WWP1: variants seen among roughly 807,000 people sequenced by gnomAD.
WWP1 encodes the protein WW domain containing E3 ubiquitin protein ligase 1, also known as NEDD4-like E3 ubiquitin-protein ligase WWP1.
A neutral mutation model predicts 130.6 loss-of-function variants in WWP1; 49 were observed. That is an observed-to-expected ratio of 0.38 (90% CI 0.30 to 0.48). WWP1 has a LOEUF of 0.48. WWP1 is among the 20% of genes least tolerant of loss of function. The pLI, the probability that WWP1 is intolerant of heterozygous loss-of-function variation, is 0.99. For synonymous variants in WWP1, 332 were observed against 367.8 expected, an observed-to-expected ratio of 0.90 and a Z score of 1.11; for missense variants, 809 against 1,100.6, an observed-to-expected ratio of 0.74 and a Z score of 3.75.
intron 1 of WWP1, among the ~76,000 whole-genome samples, chr8:86,354,946 TAAAA>T (rs1554552267): frequency 6.6e-6 from 1 of 152,046 alleles, no homozygotes; most frequent in Non-Finnish European, 1.5e-5. Flanking sequence ...CACCTTTTTT[TAAAA>T]AAACCCTCAC....
Position 86,380,717 on chromosome 8 carries a change from G to A in WWP1, c.71-9G>A. ...ACACATACTCACTAGTGAATTATTT[G>A]TCTGTTAGTTTCTAGTGCCAAACTT... On this transcript the variant is annotated splice_polypyrimidine_tract_variant and intron_variant, in intron 3 of 24. Coordinates refer to ENST00000517970, the MANE Select transcript of WWP1 (RefSeq NM_007013.4). The A allele has an allele frequency of 6.2e-7, 1 of 1,604,424 alleles. No individual in the cohort carries two copies. The highest frequency in any genetic ancestry group is 8.5e-7 in the Non-Finnish European group (1 of 1,176,586).
At chr8:86,430,780 G>A in intron 12 of WWP1, 29 bp downstream of exon 12, 1 of 1,332,660 alleles carries the variant, frequency 7.5e-7, no homozygotes. Flanking sequence ...TGATCTATAA[G>A]GGAGATATAT....
intron 9 of WWP1, among the ~76,000 whole-genome samples, chr8:86,424,846 AGGGGAG>A (rs1423800326): frequency 5.5e-4 from 1 of 1,826 alleles, no homozygotes; most frequent in Non-Finnish European, 1.0e-3. Flanking sequence ...GGGGGAGGGG[AGGGGAG>A]GGGGAGGGGG....
chr8:86,345,117 G>A (rs1822496074), intron 1 of WWP1, among the ~76,000 whole-genome samples: 1 of 152,144 alleles, frequency 6.6e-6, no homozygotes, highest in South Asian at 2.1e-4. Context: ...GAATGGAAAG[G>A]AAGAAAGGAA....
intron 1 of WWP1, among the ~76,000 whole-genome samples, chr8:86,352,038 C>CTT (rs1822963487): frequency 2.0e-5 from 2 of 98,592 alleles, no homozygotes; most frequent in Admixed American, 9.7e-5. Context: ...CTAAAATATT[C>CTT]CTTTTTTTTT....
In WWP1 at chr8:86,457,921, G is replaced by T; in HGVS notation, c.2395G>T (p.Val799Phe). ...GCCTGATTCTGTGCTCATTTCCCAG[G>T]TTATGTTGTGTGGCATGCAGGAGGT... is the stretch of plus-strand genomic sequence containing the variant. ...LQYFDEKELE[V>F]MLCGMQEVDL... Residue 799 changes from valine (V) to phenylalanine (F), a missense_variant and splice_region_variant, in exon 22 of 25, where the codon GTT becomes TTT. Val to Phe is a conservative substitution (Grantham distance 50, BLOSUM62 -1). Around this residue, in one of 3 missense-constraint regions of WWP1, gnomAD observed 450 missense variants for 674.2 expected, o/e 0.67. Coordinates refer to ENST00000517970, the MANE Select transcript of WWP1 (RefSeq NM_007013.4). The T allele has an allele frequency of 1.9e-6, 3 of 1,612,606 alleles. No homozygotes were observed. Among genetic ancestry groups the T allele is most frequent in the Non-Finnish European group, 2.5e-6 (3 of 1,178,946 alleles).
chr8:86,376,060 A>G (rs1362517433), intron 3 of WWP1, among the ~76,000 whole-genome samples: 1 of 152,242 alleles, frequency 6.6e-6, no homozygotes, highest in Non-Finnish European at 1.5e-5. Context: ...AATAATGGGC[A>G]TCTATTTTTG....
intron 21 of WWP1, among the ~76,000 whole-genome samples, chr8:86,454,778 G>A (rs547340879): frequency 6.6e-6 from 1 of 152,122 alleles, no homozygotes; most frequent in South Asian, 2.1e-4. Context: ...GGTTTATAAT[G>A]TTCTCACATA....
chr8:86,438,525 T>C (rs1170236907), intron 16 of WWP1, 60 bp from the exon 17 acceptor site: 2 of 1,279,042 alleles, frequency 1.6e-6, no homozygotes, highest in East Asian at 2.4e-5. Flanking sequence ...TTTAAATTGT[T>C]TTGAAAGGAA....
At chr8:86,442,858 A>G (rs981498231) in intron 18 of WWP1, 80 bp downstream of exon 18, 7 of 1,397,796 alleles carry the variant, frequency 5.0e-6, no homozygotes, top group Non-Finnish European at 5.7e-6. Flanking sequence ...AAAAAAAAGG[A>G]TAAGCATTAT....
chr8:86,416,980 C>T (rs575735641), intron 9 of WWP1, among the ~76,000 whole-genome samples: 2 of 152,250 alleles, frequency 1.3e-5, no homozygotes, highest in African/African-American at 4.8e-5. Context: ...CCACCACATT[C>T]TGGGGACTCA....
intron 5 of WWP1, among the ~76,000 whole-genome samples, chr8:86,397,952 A>G (rs1807770463): frequency 6.6e-6 from 1 of 152,196 alleles, no homozygotes; most frequent in African/African-American, 2.4e-5. Context: ...TGTTTGAATA[A>G]GTTACTCAAT....
chr8:86,392,482 C>T (rs979567435), intron 5 of WWP1, among the ~76,000 whole-genome samples: 5 of 151,934 alleles, frequency 3.3e-5, no homozygotes, highest in Non-Finnish European at 7.4e-5. Context: ...TTAATAGAAC[C>T]AAGAACTTAG....
At chr8:86,345,076 G>A (rs1822492748) in intron 1 of WWP1, among the ~76,000 whole-genome samples, 1 of 152,126 alleles carries the variant, frequency 6.6e-6, no homozygotes, top group Non-Finnish European at 1.5e-5. Context: ...TTGTAGTCAT[G>A]GATAGTGAGG....
chr8:86,349,744 A>G (rs1822809720), intron 1 of WWP1, among the ~76,000 whole-genome samples: 1 of 151,902 alleles, frequency 6.6e-6, no homozygotes, highest in African/African-American at 2.4e-5. Context: ...ATAATAGGGT[A>G]GGATTGACTT....
At chr8:86,372,366 G>C (rs1359474626) in intron 2 of WWP1, among the ~76,000 whole-genome samples, 1 of 152,088 alleles carries the variant, frequency 6.6e-6, no homozygotes. Flanking sequence ...CGCCGTGTTG[G>C]CCAGGCGGGT....
chr8:86,361,345 C>T (rs1823584811), intron 1 of WWP1, among the ~76,000 whole-genome samples: 1 of 152,168 alleles, frequency 6.6e-6, no homozygotes, highest in African/African-American at 2.4e-5. Flanking sequence ...CTTATAGATT[C>T]TGCTCCTCAA....
intron 5 of WWP1, among the ~76,000 whole-genome samples, chr8:86,388,286 T>C (rs921248364): frequency 1.3e-5 from 2 of 151,900 alleles, no homozygotes; most frequent in Non-Finnish European, 2.9e-5. Flanking sequence ...CTTTTTTAAA[T>C]GTTGCCCAGG....
At chr8:86,461,535 C>A in intron 23 of WWP1, 2 of 625,760 alleles carry the variant, frequency 3.2e-6, no homozygotes, top group Non-Finnish European at 5.7e-6. Flanking sequence ...TTGCTTTGCT[C>A]CCTATGGTGA....
Sources: allele counts gnomAD v4.1 joint callset (sites outside exome capture counted in the v4.1 genomes callset), GRCh38; gene constraint gnomAD v4.1.1; regional missense constraint gnomAD v4.1.1; transcripts MANE v1.5; gene names NCBI Gene and HGNC (gene_info 2026-07-23, HGNC 2026-07-21).